EGFLAM: variants seen among roughly 807,000 people sequenced by gnomAD.
The protein encoded by EGFLAM is pikachurin.
Under a neutral mutation model 113.1 loss-of-function variants are expected in EGFLAM, and 79 were observed. That is an observed-to-expected ratio of 0.70 (90% CI 0.58 to 0.84). The LOEUF (loss-of-function observed/expected upper bound fraction) is 0.84, where lower values mean the gene tolerates loss of function less well. EGFLAM is among the 40% of genes least tolerant of loss of function. EGFLAM has a pLI of 0.00. For synonymous variants in EGFLAM, 504 were observed against 487.6 expected (o/e 1.03, Z -0.44); for missense variants, 1,265 against 1,291.6 (o/e 0.98, Z 0.32).
At chr5:38,397,174 C>T (rs1336895258) in intron 6 of EGFLAM, among the ~76,000 whole-genome samples, 1 of 152,232 alleles carries the variant, frequency 6.6e-6, no homozygotes, top group African/African-American at 2.4e-5. Context: ...AAAAGAACAA[C>T]ATATCTGCCT....
At chr5:38,362,976 C>G (rs1025426572) in intron 5 of EGFLAM, among the ~76,000 whole-genome samples, 4 of 152,158 alleles carry the variant, frequency 2.6e-5, no homozygotes, top group African/African-American at 9.7e-5. Flanking sequence ...AGTGTGCTCT[C>G]CTATTGCCCC....
chr5:38,376,884 T>C (rs1484794098), intron 6 of EGFLAM, among the ~76,000 whole-genome samples: 1 of 152,178 alleles, frequency 6.6e-6, no homozygotes, highest in Non-Finnish European at 1.5e-5. Context: ...TTGCCCAGGC[T>C]GGTCTCGAAT....
intron 1 of EGFLAM, among the ~76,000 whole-genome samples, chr5:38,306,790 T>A (rs963557792): frequency 5.9e-5 from 9 of 152,170 alleles, no homozygotes; most frequent in African/African-American, 1.9e-4. Flanking sequence ...GCAGAAGATG[T>A]GATATTTAGT....
intron 16 of EGFLAM, among the ~76,000 whole-genome samples, chr5:38,436,115 C>T (rs772804948): frequency 6.6e-6 from 1 of 152,142 alleles, no homozygotes; most frequent in Admixed American, 6.5e-5. Context: ...TGCTTCTGGC[C>T]TGCTCTCTTT....
intron 1 of EGFLAM, among the ~76,000 whole-genome samples, chr5:38,333,521 A>T (rs1343324228): frequency 6.6e-6 from 1 of 152,052 alleles, no homozygotes; most frequent in African/African-American, 2.4e-5. Context: ...GTATCTCATT[A>T]TGGTTTTGAT....
rs1000507766 is a variant in EGFLAM, at chr5:38,271,533, T to C, written c.97+12682T>C. On this transcript the variant is annotated intron_variant, in intron 1 of 21. Coordinates refer to ENST00000322350, the MANE Select transcript of EGFLAM (RefSeq NM_152403.4). ...ATACATGCCTGTATTCCAGCCAGGA[T>C]AGATTATTTGCTATTCCATAGACCT... Among the ~76,000 whole-genome samples, 7 of 152,308 alleles carry C rather than the reference T, an allele frequency of 4.6e-5. No individual in the cohort carries two copies. In the South Asian group the frequency reaches 1.4e-3, roughly 32 times the overall value.
chr5:38,270,195 A>T (rs16903913), intron 1 of EGFLAM, among the ~76,000 whole-genome samples: 62,767 of 152,110 alleles, frequency 0.41, 13,495 homozygotes, highest in Middle Eastern at 0.56. Flanking sequence ...ACTACAGGTC[A>T]GTTTGCAACT....
At chr5:38,264,989 C>T (rs992544609) in intron 1 of EGFLAM, among the ~76,000 whole-genome samples, 5 of 152,176 alleles carry the variant, frequency 3.3e-5, no homozygotes, top group Non-Finnish European at 7.3e-5. Context: ...TTGACTCCAT[C>T]TCTCTTTGTT....
At chr5:38,367,233 A>G (rs1382548750) in intron 5 of EGFLAM, among the ~76,000 whole-genome samples, 4 of 148,542 alleles carry the variant, frequency 2.7e-5, no homozygotes, top group African/African-American at 7.5e-5. Context: ...AGCAGCCTCA[A>G]CCTCCCAAGC....
chr5:38,305,539 C>T (rs1758700380), intron 1 of EGFLAM: 1 of 434,798 alleles, frequency 2.3e-6, no homozygotes, highest in Non-Finnish European at 4.6e-6. Context: ...TAAGAAGTCC[C>T]CAGAATAATA....
At chr5:38,392,841 A>T (rs1044044660) in intron 6 of EGFLAM, among the ~76,000 whole-genome samples, 51 of 151,840 alleles carry the variant, frequency 3.4e-4, no homozygotes, top group African/African-American at 1.2e-3. Context: ...TGCTCCCCCT[A>T]CCCCACGACA....
At chr5:38,455,795 G>A (rs1743067573) in intron 19 of EGFLAM, among the ~76,000 whole-genome samples, 1 of 152,142 alleles carries the variant, frequency 6.6e-6, no homozygotes, top group Non-Finnish European at 1.5e-5. Flanking sequence ...CTCTTGGCCT[G>A]AACAGGAGAG....
chr5:38,370,209 A>T lies in EGFLAM; in HGVS notation c.546-87A>T, dbSNP rs958221678. ...TTACAAGTATTGCTTCCAGAGTTCAAATGCTATTAGTTTACATAGCCAGCT... is the reference window on the plus strand; with the variant it reads ...TTACAAGTATTGCTTCCAGAGTTCATATGCTATTAGTTTACATAGCCAGCT... On this transcript the variant is annotated intron_variant, in intron 5 of 21. Transcript: ENST00000322350. 6.6e-6 allele frequency: 9 copies of T among 1,361,610 alleles called. No individual in the cohort carries two copies. The East Asian group carries it at 1.9e-4, about 28-fold the overall frequency. 84.3% of individuals were successfully genotyped at this position (1,361,610 alleles called of 1,614,324 possible).
chr5:38,275,584 G>C (rs1757865701), intron 1 of EGFLAM, among the ~76,000 whole-genome samples: 1 of 152,132 alleles, frequency 6.6e-6, no homozygotes, highest in South Asian at 2.1e-4. Flanking sequence ...AATATTAATA[G>C]AACTGAAGGG....
chr5:38,281,404 T>C (rs1758018201), intron 1 of EGFLAM, among the ~76,000 whole-genome samples: 1 of 152,146 alleles, frequency 6.6e-6, no homozygotes, highest in Non-Finnish European at 1.5e-5. Flanking sequence ...CAAATAATTT[T>C]TAATGTAGAG....
intron 17 of EGFLAM, among the ~76,000 whole-genome samples, chr5:38,441,464 C>T (rs1290979540): frequency 6.6e-6 from 1 of 152,034 alleles, no homozygotes; most frequent in Non-Finnish European, 1.5e-5. Context: ...TACTTGCATC[C>T]AGTGGACCCA....
chr5:38,319,167 C>G (rs13361364), intron 1 of EGFLAM, among the ~76,000 whole-genome samples: 1 of 151,982 alleles, frequency 6.6e-6, no homozygotes, highest in East Asian at 1.9e-4. Context: ...CCCCCAACTC[C>G]CAGGGTTCTC....
chr5:38,271,728 T>C (rs1757769569), intron 1 of EGFLAM, among the ~76,000 whole-genome samples: 1 of 152,200 alleles, frequency 6.6e-6, no homozygotes, highest in Admixed American at 6.5e-5. Flanking sequence ...TCCTCTCTTC[T>C]CCCTTTCTAC....
intron 1 of EGFLAM, among the ~76,000 whole-genome samples, chr5:38,291,665 G>A (rs1272769623): frequency 6.6e-6 from 1 of 152,226 alleles, no homozygotes; most frequent in Non-Finnish European, 1.5e-5. Flanking sequence ...TAACCTTAAG[G>A]AAAATTGCCC....
Sources: allele counts gnomAD v4.1 joint callset (sites outside exome capture counted in the v4.1 genomes callset), GRCh38; gene constraint gnomAD v4.1.1; transcripts MANE v1.5; gene names NCBI Gene and HGNC (gene_info 2026-07-23, HGNC 2026-07-21).